Variants in TRIM44 observed in about 807,000 individuals in gnomAD.
TRIM44 encodes the protein tripartite motif-containing protein 44.
In TRIM44, 13 loss-of-function variants were observed where a neutral mutation model predicts 37.4. The ratio of observed to expected loss-of-function variants is 0.35; its 90% CI spans 0.23 to 0.55. The LOEUF (loss-of-function observed/expected upper bound fraction) is 0.55, where lower values mean the gene tolerates loss of function less well. TRIM44 is among the 20% of genes least tolerant of loss of function. The pLI, the probability that TRIM44 is intolerant of heterozygous loss-of-function variation, is 0.89. For synonymous variants in TRIM44, 175 were observed against 157.2 expected, an observed-to-expected ratio of 1.11 and a Z score of -0.85; for missense variants, 426 against 437.2, an observed-to-expected ratio of 0.97 and a Z score of 0.23.
intron 4 of TRIM44, among the ~76,000 whole-genome samples, chr11:35,748,723 G>A (rs990520425): frequency 9.9e-5 from 15 of 152,150 alleles, no homozygotes; most frequent in Admixed American, 2.6e-4. Context: ...AAAATATCCC[G>A]AATGAACAAT....
intron 2 of TRIM44, among the ~76,000 whole-genome samples, chr11:35,720,595 G>A (rs1307659966): frequency 1.3e-5 from 2 of 152,130 alleles, no homozygotes; most frequent in East Asian, 1.9e-4. Context: ...AAGGTGAGAG[G>A]GGACATCCTT....
intron 2 of TRIM44, among the ~76,000 whole-genome samples, chr11:35,697,277 T>C (rs1318733072): frequency 7.0e-6 from 1 of 143,628 alleles, no homozygotes; most frequent in African/African-American, 2.6e-5. Flanking sequence ...TGTGTTCTAA[T>C]TGTTGAGTTC....
At chr11:35,745,289 T>A (rs887945513) in intron 4 of TRIM44, among the ~76,000 whole-genome samples, 1 of 152,248 alleles carries the variant, frequency 6.6e-6, no homozygotes, top group Non-Finnish European at 1.5e-5. Context: ...TCAGTGATAT[T>A]GAGCTTTTTT....
intron 4 of TRIM44, among the ~76,000 whole-genome samples, chr11:35,774,531 G>A (rs1473700364): frequency 6.6e-6 from 1 of 152,184 alleles, no homozygotes; most frequent in East Asian, 1.9e-4. Flanking sequence ...TTTTAATCAT[G>A]AAGTCCTTGC....
chr11:35,696,378 G>C (rs978973155), intron 2 of TRIM44, among the ~76,000 whole-genome samples: 3 of 151,030 alleles, frequency 2.0e-5, no homozygotes, highest in African/African-American at 7.3e-5. Flanking sequence ...TCCTGACCTC[G>C]TGATCCACCT....
At chr11:35,799,171 G>C (rs1176625791) in intron 4 of TRIM44, among the ~76,000 whole-genome samples, 1 of 152,240 alleles carries the variant, frequency 6.6e-6, no homozygotes, top group Non-Finnish European at 1.5e-5. Flanking sequence ...CACTGCCTGG[G>C]CAGGCCTGCT....
intron 2 of TRIM44, among the ~76,000 whole-genome samples, chr11:35,712,669 G>C (rs1165836057): frequency 1.3e-5 from 2 of 152,114 alleles, no homozygotes; most frequent in African/African-American, 4.8e-5. Context: ...TCTCTGCACT[G>C]ACAGGAGACT....
In TRIM44 at chr11:35,663,475, G is replaced by A. The variant is rs1291239917; in HGVS notation, c.364G>A (p.Asp122Asn). 2 of 1,567,924 alleles carry A rather than the reference G, an allele frequency of 1.3e-6. No homozygotes were observed. Among genetic ancestry groups the A allele is most frequent in the Non-Finnish European group, 1.7e-6 (2 of 1,155,834 alleles). Residue 122 changes from aspartate to asparagine, a missense_variant, in exon 1 of 5, where the codon GAT becomes AAT. Asp to Asn is a conservative substitution (Grantham distance 23). This residue lies in a region of TRIM44 where 331 missense variants were observed against 303.0 expected (regional missense o/e 1.09). Transcript: ENST00000299413. ...ETEEESEDESDEESEEDSEEE... is the reference protein window; with the variant it reads ...ETEEESEDESNEESEEDSEEE... ...AGAGGAAGAGAGTGAGGATGAGAGC[G>A]ATGAGGAGAGTGAAGAAGACAGCGA...
At chr11:35,805,941 C>G (rs924221871) in intron 4 of TRIM44, among the ~76,000 whole-genome samples, 1 of 152,024 alleles carries the variant, frequency 6.6e-6, no homozygotes, top group African/African-American at 2.4e-5. Context: ...GTAGCTTCTC[C>G]TTGTTTTTTC....
At chr11:35,804,605 G>T (rs1349168548) in intron 4 of TRIM44, among the ~76,000 whole-genome samples, 1 of 152,178 alleles carries the variant, frequency 6.6e-6, no homozygotes, top group Admixed American at 6.5e-5. Context: ...AATACCAAAG[G>T]GGGAGAATAT....
At position 35,806,428 on chromosome 11, in the gene TRIM44, T is replaced by C; in HGVS notation, c.*43T>C. The C allele has an allele frequency of 6.2e-7, 1 of 1,609,468 alleles. No individual in the cohort carries two copies. The highest frequency in any genetic ancestry group is 8.5e-7 in the Non-Finnish European group (1 of 1,176,032). On this transcript the variant is annotated 3_prime_UTR_variant, in exon 5 of 5. Coordinates refer to ENST00000299413, the MANE Select transcript of TRIM44 (RefSeq NM_017583.6). ...TGGAAAATCATCCCCTCCCCTTGTG[T>C]GTATGTGACAGCGTGTATGTAACGG...
intron 4 of TRIM44, among the ~76,000 whole-genome samples, chr11:35,769,058 A>G (rs967667515): frequency 2.0e-5 from 3 of 152,196 alleles, no homozygotes; most frequent in African/African-American, 7.2e-5. Context: ...GTCCATGACA[A>G]TAACCAGCTG....
chr11:35,692,885 T>C (rs1851653029), intron 2 of TRIM44, among the ~76,000 whole-genome samples: 2 of 150,914 alleles, frequency 1.3e-5, no homozygotes, highest in Admixed American at 1.3e-4. Context: ...ATCATGCCAC[T>C]GCACTCCAGC....
At chr11:35,770,247 A>G (rs1852849491) in intron 4 of TRIM44, among the ~76,000 whole-genome samples, 1 of 152,144 alleles carries the variant, frequency 6.6e-6, no homozygotes, top group Non-Finnish European at 1.5e-5. Context: ...TGTTCTTTTT[A>G]TGACTACATA....
chr11:35,804,182 A>G lies in TRIM44; in HGVS notation c.1008-2176A>G, dbSNP rs16927948. Among the ~76,000 whole-genome samples the G allele has an allele frequency of 0.014, 2,119 of 152,232 alleles. 118 individuals are homozygous for G. In the East Asian group the frequency reaches 0.14, roughly 10 times the overall value. On this transcript the variant is annotated intron_variant, in intron 4 of 4. Transcript: ENST00000299413. The stretch of plus-strand genomic sequence containing the variant: ...ATAAATGATATGCCAGTATCCTAAG[A>G]TCTCATGTTTTAAACTGTGAGATAA...
At position 35,810,020 on chromosome 11, in the gene TRIM44, A is replaced by G. The variant is rs1853509359; in HGVS notation, c.*3635A>G. The G allele has an allele frequency of 6.6e-6, 1 of 152,206 alleles. No homozygotes were observed. The highest frequency in any genetic ancestry group is 6.5e-5 in the Admixed American group (1 of 15,270). 9.4% of individuals were successfully genotyped at this position (152,206 alleles called of 1,614,324 possible). A position where few individuals can be genotyped will look rare whatever the true frequency, so the allele number is the denominator to read the frequency against. ...AGTTGGGGCTTAGGTACTTGCTTAC[A>G]GGAAGAGCAATTCCCTAGCAAAGGT... On this transcript the variant is annotated 3_prime_UTR_variant, in exon 5 of 5. Transcript: ENST00000299413.
intron 4 of TRIM44, among the ~76,000 whole-genome samples, chr11:35,797,370 T>C (rs1298556587): frequency 6.6e-6 from 1 of 152,188 alleles, no homozygotes; most frequent in Non-Finnish European, 1.5e-5. Flanking sequence ...CCACATAATG[T>C]ATGTAGATAT....
intron 3 of TRIM44, among the ~76,000 whole-genome samples, chr11:35,729,529 A>G (rs1852226775): frequency 6.6e-6 from 1 of 152,144 alleles, no homozygotes; most frequent in African/African-American, 2.4e-5. Flanking sequence ...TGCATTAACT[A>G]GGCTATGCAC....
Position 35,671,213 on chromosome 11 carries a change from C to T in TRIM44, c.669+7433C>T, listed in dbSNP as rs185100009. On this transcript the variant is annotated intron_variant, in intron 1 of 4. Coordinates refer to ENST00000299413, the MANE Select transcript of TRIM44 (RefSeq NM_017583.6). The stretch of plus-strand genomic sequence containing the variant: ...AAGTAGAAAAGAACAAATAAGCAAA[C>T]GTGTAATAAGTATTATAAATGAAAA... Among the ~76,000 whole-genome samples, 4 of 152,176 alleles carry T rather than the reference C, an allele frequency of 2.6e-5. No individual in the cohort carries two copies. The East Asian group carries it at 5.8e-4, about 22-fold the overall frequency.
Sources: gnomAD v4.1 joint callset for allele counts (sites outside exome capture counted in the v4.1 genomes callset) on GRCh38, gnomAD v4.1.1 for gene constraint, gnomAD v4.1.1 regional missense constraint, MANE v1.5 for transcripts, NCBI Gene and HGNC (gene_info 2026-07-23, HGNC 2026-07-21) for gene names.